Variants in TMEM132D observed in about 807,000 individuals in gnomAD.
The protein encoded by TMEM132D is mature OL transmembrane protein.
A neutral mutation model predicts 62.3 loss-of-function variants in TMEM132D; 21 were observed. That is an observed-to-expected ratio of 0.34 (90% confidence interval 0.24 to 0.49). The LOEUF (loss-of-function observed/expected upper bound fraction) is 0.49. TMEM132D is among the 20% of genes least tolerant of loss of function. The pLI is 0.99. For missense variants in TMEM132D, 1,346 were observed against 1,402.8 expected, an observed-to-expected ratio of 0.96 and a Z score of 0.65; for synonymous variants, 621 against 575.6, an observed-to-expected ratio of 1.08 and a Z score of -1.13.
At chr12:129,105,222 G>T (rs1327774768) in intron 5 of TMEM132D, among the ~76,000 whole-genome samples, 3 of 140,184 alleles carry the variant, frequency 2.1e-5, no homozygotes, top group Non-Finnish European at 4.5e-5. Flanking sequence ...CATAAAAAAG[G>T]ATGAGTTCAT....
chr12:129,261,018 G>T (rs530012411), intron 4 of TMEM132D, among the ~76,000 whole-genome samples: 1 of 152,164 alleles, frequency 6.6e-6, no homozygotes, highest in Non-Finnish European at 1.5e-5. Context: ...TTTCCTTTTG[G>T]TGGATACCCA....
At chr12:129,393,885 A>G (rs1293199485) in intron 3 of TMEM132D, among the ~76,000 whole-genome samples, 1 of 152,166 alleles carries the variant, frequency 6.6e-6, no homozygotes, top group Non-Finnish European at 1.5e-5. Flanking sequence ...ATTCCCTGGG[A>G]AACATAAACA....
Position 129,174,097 on chromosome 12 carries a change from C to G in TMEM132D, c.1443+35423G>C, listed in dbSNP as rs535046836. Among the ~76,000 whole-genome samples the G allele has an allele frequency of 2.2e-4, 33 of 152,182 alleles. No homozygotes were observed. The South Asian group carries it at 6.2e-3, about 29-fold the overall frequency. On this transcript the variant is annotated intron_variant, in intron 5 of 8. Transcript: ENST00000422113. ...TAGGGCATCTGAAATAACGATGCCC[C>G]GCTTTTCTTTATTTTATTTTACCTT...
At chr12:129,785,936 G>C (rs61943433) in intron 1 of TMEM132D, among the ~76,000 whole-genome samples, 8,894 of 152,190 alleles carry the variant, frequency 0.058, 305 homozygotes, top group East Asian at 0.1. Context: ...TTTATGATTG[G>C]CGCAGTTTTT....
chr12:129,813,631 T>TATATATATATATATATA (rs36010730), intron 1 of TMEM132D, among the ~76,000 whole-genome samples: 11 of 144,028 alleles, frequency 7.6e-5, no homozygotes, highest in Admixed American at 1.4e-4. Context: ...TATATATATA[T>TATATATATATATATATA]TTTCAGGACT....
intron 1 of TMEM132D, among the ~76,000 whole-genome samples, chr12:129,816,385 A>AG (rs1282902374): frequency 6.6e-6 from 1 of 152,228 alleles, no homozygotes; most frequent in Admixed American, 6.5e-5. Flanking sequence ...CACTTTGGAC[A>AG]GAACAGCTGG....
intron 3 of TMEM132D, among the ~76,000 whole-genome samples, chr12:129,517,726 T>A (rs1875724425): frequency 6.6e-6 from 1 of 152,222 alleles, no homozygotes; most frequent in Non-Finnish European, 1.5e-5. Flanking sequence ...AGGTTTCTGA[T>A]ACAGTTTCTT....
In TMEM132D at chr12:129,138,925, T is replaced by C. The variant is rs527804035; in HGVS notation, c.1444-54223A>G. On this transcript the variant is annotated intron_variant, in intron 5 of 8. Transcript: ENST00000422113. ...TAGCACCCACCCTGTGATCCTGCCT[T>C]CATTCTGATGACAAATGACTACCCA... 2.7e-3 allele frequency among the ~76,000 whole-genome samples: 416 copies of C among 152,280 alleles called. 8 individuals carry two copies. The highest frequency in any genetic ancestry group is 3.7e-4 in the Non-Finnish European group (25 of 68,026).
chr12:129,682,716 G>C (rs753838937), intron 2 of TMEM132D, among the ~76,000 whole-genome samples: 1 of 151,778 alleles, frequency 6.6e-6, no homozygotes, highest in Admixed American at 6.6e-5. Flanking sequence ...AGTATCAGCC[G>C]GGCGTGGTGG....
intron 1 of TMEM132D, among the ~76,000 whole-genome samples, chr12:129,874,858 G>A (rs965555519): frequency 3.9e-5 from 6 of 152,112 alleles, no homozygotes; most frequent in South Asian, 2.1e-4. Context: ...GCGCCACCAC[G>A]CCCAGCTAAT....
chr12:129,194,100 C>G (rs1268199919), intron 5 of TMEM132D, among the ~76,000 whole-genome samples: 2 of 152,192 alleles, frequency 1.3e-5, no homozygotes, highest in Non-Finnish European at 2.9e-5. Flanking sequence ...TAAAGGAACC[C>G]TTGGTCCATG....
intron 2 of TMEM132D, among the ~76,000 whole-genome samples, chr12:129,656,085 C>T (rs1184776350): frequency 6.6e-6 from 1 of 152,188 alleles, no homozygotes; most frequent in Non-Finnish European, 1.5e-5. Flanking sequence ...GCAACCCCAA[C>T]CATTATTCAC....
At chr12:129,375,968 G>T (rs1474236195) in intron 3 of TMEM132D, among the ~76,000 whole-genome samples, 1 of 152,160 alleles carries the variant, frequency 6.6e-6, no homozygotes, top group Non-Finnish European at 1.5e-5. Context: ...GCTTCCCAAG[G>T]AATCTTACAA....
chr12:129,421,748 G>A (rs903660853), intron 3 of TMEM132D, among the ~76,000 whole-genome samples: 10 of 152,078 alleles, frequency 6.6e-5, no homozygotes, highest in South Asian at 2.1e-4. Context: ...TTTTGTACCC[G>A]TGTTTATAAA....
At chr12:129,251,417 T>C (rs1302769872) in intron 4 of TMEM132D, among the ~76,000 whole-genome samples, 1 of 149,706 alleles carries the variant, frequency 6.7e-6, no homozygotes, top group Non-Finnish European at 1.5e-5. Context: ...ACGGAGACCC[T>C]TGGTCATTGA....
chr12:129,721,638 G>C (rs1282290168), intron 1 of TMEM132D, among the ~76,000 whole-genome samples: 1 of 152,170 alleles, frequency 6.6e-6, no homozygotes, highest in Non-Finnish European at 1.5e-5. Context: ...CTGGGGTCCA[G>C]GACTGCCTGC....
chr12:129,524,187 A>C (rs927733492), intron 3 of TMEM132D, among the ~76,000 whole-genome samples: 1 of 152,048 alleles, frequency 6.6e-6, no homozygotes, highest in Non-Finnish European at 1.5e-5. Flanking sequence ...CATATGTAAC[A>C]AACCTGCACA....
intron 3 of TMEM132D, among the ~76,000 whole-genome samples, chr12:129,484,020 AG>A (rs1874507723): frequency 6.6e-6 from 1 of 151,972 alleles, no homozygotes; most frequent in Non-Finnish European, 1.5e-5. Context: ...CTCAGGCTGG[AG>A]TGCCATGGCG....
In TMEM132D at chr12:129,179,103, G is replaced by A. The variant is rs184015501; in HGVS notation, c.1443+30417C>T. On this transcript the variant is annotated intron_variant, in intron 5 of 8. Transcript: ENST00000422113. ...GGACCGTAGACAAACAGATGAGTGA[G>A]CCCAGAGTTCAGAGTAGAACTGCCC... 3.3e-5 allele frequency among the ~76,000 whole-genome samples: 5 copies of A among 152,276 alleles called. No homozygotes were observed. The East Asian group carries it at 9.6e-4, about 29-fold the overall frequency.
Sources: allele counts gnomAD v4.1 joint callset (sites outside exome capture counted in the v4.1 genomes callset), GRCh38; gene constraint gnomAD v4.1.1; transcripts MANE v1.5; gene names NCBI Gene and HGNC (gene_info 2026-07-23, HGNC 2026-07-21).